The following OSTF1 variants were observed in gnomAD, a reference collection of about 807,000 sequenced individuals.
OSTF1 encodes osteoclast stimulating factor 1, also known as osteoclast-stimulating factor 1.
A neutral mutation model predicts 37.2 loss-of-function variants in OSTF1; 27 were observed. The observed-to-expected ratio is 0.73, with a 90% CI of 0.54 to 1.00. OSTF1 has a LOEUF of 1.00. Among genes scored for constraint, OSTF1 ranks in the 50% least tolerant of loss-of-function variants. The pLI is 0.00. For missense variants in OSTF1, 232 were observed against 253.8 expected (o/e 0.91, Z 0.58); for synonymous variants, 82 against 89.2 (o/e 0.92, Z 0.46).
intron 9 of OSTF1, among the ~76,000 whole-genome samples, chr9:75,144,386 AC>A (rs1282251534): frequency 6.6e-6 from 1 of 152,154 alleles, no homozygotes; most frequent in Non-Finnish European, 1.5e-5. Context: ...TGACGTCTTT[AC>A]AAAAAAAATT....
chr9:75,088,823 G>C, intron 1 of OSTF1, 97 bp downstream of exon 1: 1 of 1,245,180 alleles, frequency 8.0e-7, no homozygotes, highest in Non-Finnish European at 1.1e-6. Context: ...CGCGCACCCG[G>C]CCCCGAGCCT....
At chr9:75,089,314 T>G (rs977511765) in intron 1 of OSTF1, among the ~76,000 whole-genome samples, 1 of 151,106 alleles carries the variant, frequency 6.6e-6, no homozygotes, top group Non-Finnish European at 1.5e-5. Context: ...GATGCGGCAG[T>G]GATCTCAGCT....
chr9:75,124,401 A>G (rs1825630054), intron 2 of OSTF1, among the ~76,000 whole-genome samples: 1 of 152,090 alleles, frequency 6.6e-6, no homozygotes, highest in Non-Finnish European at 1.5e-5. Context: ...CCCATTAACC[A>G]TCCCCGTCTC....
In OSTF1 at chr9:75,140,148, A is replaced by G. The variant is rs543053547; in HGVS notation, c.488-686A>G. On this transcript the variant is annotated intron_variant, in intron 8 of 9. Transcript: ENST00000346234. ...ATACGTGTAGTACGATTTTGTGTCTATATCAATATGTGTATGAATGCACTG... is the reference window on the plus strand; with the variant it reads ...ATACGTGTAGTACGATTTTGTGTCTGTATCAATATGTGTATGAATGCACTG... Among the ~76,000 whole-genome samples, 38 of 152,362 alleles carry G rather than the reference A, an allele frequency of 2.5e-4. 1 individual carries two copies. Among genetic ancestry groups the G allele is most frequent in the Non-Finnish European group, 4.4e-4 (30 of 68,026 alleles).
At chr9:75,118,085 C>T (rs1564161117) in intron 2 of OSTF1, among the ~76,000 whole-genome samples, 3 of 152,188 alleles carry the variant, frequency 2.0e-5, no homozygotes, top group Non-Finnish European at 4.4e-5. Context: ...AGGATGGTCT[C>T]GTAGAGCTTG....
intron 9 of OSTF1, among the ~76,000 whole-genome samples, chr9:75,146,079 T>C (rs1826019406): frequency 6.6e-6 from 1 of 152,244 alleles, no homozygotes; most frequent in Admixed American, 6.5e-5. Flanking sequence ...GCTATAGGAA[T>C]TTGACTAGAC....
intron 1 of OSTF1, among the ~76,000 whole-genome samples, chr9:75,115,116 T>C (rs1423062736): frequency 6.6e-6 from 1 of 152,214 alleles, no homozygotes; most frequent in African/African-American, 2.4e-5. Context: ...TCATAAAACA[T>C]GTTCAAATAG....
At chr9:75,102,395 A>C (rs11144230) in intron 1 of OSTF1, among the ~76,000 whole-genome samples, 9,324 of 152,314 alleles carry the variant, frequency 0.061, 392 homozygotes, top group African/African-American at 0.11. Context: ...TAAAGTCAGT[A>C]AAATTAGTCA....
intron 1 of OSTF1, among the ~76,000 whole-genome samples, chr9:75,099,497 C>G (rs1825151621): frequency 6.6e-6 from 1 of 152,000 alleles, no homozygotes; most frequent in South Asian, 2.1e-4. Context: ...GTGGGACCTC[C>G]TGGGCTGAAA....
intron 2 of OSTF1, among the ~76,000 whole-genome samples, chr9:75,124,453 A>G (rs1367040224): frequency 6.6e-6 from 1 of 152,166 alleles, no homozygotes; most frequent in African/African-American, 2.4e-5. Context: ...TCTGGTAGCC[A>G]TACGTCTGCT....
At position 75,129,259 on chromosome 9, in the gene OSTF1, G is replaced by A. The variant is rs1180100470; in HGVS notation, c.133-1319G>A. On this transcript the variant is annotated intron_variant, in intron 3 of 9. Transcript: ENST00000346234. ...ATCTCATTGGTCAGCATGAGAGAAT[G>A]CTAGGAAATCAGGTTTTTATTCTGA... is the stretch of plus-strand genomic sequence containing the variant. Among the ~76,000 whole-genome samples the A allele has an allele frequency of 2.6e-5, 4 of 152,190 alleles. No individual in the cohort carries two copies. The East Asian group carries it at 7.7e-4, about 29-fold the overall frequency.
rs11144242 is a variant in OSTF1 at position 75,127,496 on chromosome 9, A to G, written c.82-73A>G. On this transcript the variant is annotated intron_variant, in intron 2 of 9. Transcript: ENST00000346234. The stretch of plus-strand genomic sequence containing the variant: ...CACATTGCTTATTAGAATATGATAG[A>G]ATTTTGAATCTATATAATCATATTC... 1.3e-4 allele frequency: 106 copies of G among 811,064 alleles called. No individual in the cohort carries two copies. The East Asian group carries it at 2.7e-3, about 21-fold the overall frequency. 50.2% of individuals were successfully genotyped at this position (811,064 alleles called of 1,614,324 possible).
rs1394683895 is a variant in OSTF1 at position 75,146,806 on chromosome 9, G to T, written c.*65G>T. ...TTTGCCATTCCAAAACTTTGTCTTT[G>T]CCAGAAAAGTGTTGGTAACTATAAA... On this transcript the variant is annotated 3_prime_UTR_variant, in exon 10 of 10. Coordinates refer to ENST00000346234, the MANE Select transcript of OSTF1 (RefSeq NM_012383.5). 1 of 1,216,916 alleles carries T rather than the reference G, an allele frequency of 8.2e-7. No homozygotes were observed. The highest frequency in any genetic ancestry group is 1.2e-6 in the Non-Finnish European group (1 of 837,894). The allele number at this position is 1,216,916 out of a possible 1,614,324, so 75.4% of individuals were successfully genotyped here. A position where few individuals can be genotyped will look rare whatever the true frequency, so the allele number is the denominator to read the frequency against.
intron 1 of OSTF1, among the ~76,000 whole-genome samples, chr9:75,109,368 C>T (rs1261458677): frequency 6.6e-6 from 1 of 152,162 alleles, no homozygotes; most frequent in African/African-American, 2.4e-5. Flanking sequence ...CCACATTTGG[C>T]TTTGGCAAAT....
chr9:75,096,462 G>C (rs1405149441), intron 1 of OSTF1, among the ~76,000 whole-genome samples: 2 of 152,184 alleles, frequency 1.3e-5, no homozygotes, highest in Non-Finnish European at 2.9e-5. Context: ...TTTCCAGGGA[G>C]CCTGAGGGCA....
chr9:75,098,269 TAAAC>T lies in OSTF1; in HGVS notation c.34+9545_34+9548del, dbSNP rs1825124058. On this transcript the variant is annotated intron_variant, in intron 1 of 9. Coordinates refer to ENST00000346234, the MANE Select transcript of OSTF1 (RefSeq NM_012383.5). ...TGTGGATAGAAACATATGGAGGAAT[TAAAC>T]ACACCAAGCAAAGGCTTTTCATAAG... 2.0e-5 allele frequency among the ~76,000 whole-genome samples: 3 copies of T among 152,196 alleles called. No individual in the cohort carries two copies. The South Asian group carries it at 6.2e-4, about 31-fold the overall frequency.
intron 2 of OSTF1, among the ~76,000 whole-genome samples, chr9:75,117,963 A>C (rs948950446): frequency 6.6e-6 from 1 of 152,122 alleles, no homozygotes; most frequent in African/African-American, 2.4e-5. Flanking sequence ...TGCAGTGTGC[A>C]TTTTCCATTG....
intron 5 of OSTF1, among the ~76,000 whole-genome samples, chr9:75,132,746 G>C (rs2118589629): frequency 6.6e-6 from 1 of 152,240 alleles, no homozygotes; most frequent in Middle Eastern, 3.4e-3. Context: ...AATTCTTTGT[G>C]AATTAGATAC....
intron 9 of OSTF1, among the ~76,000 whole-genome samples, chr9:75,143,796 G>A (rs1825980605): frequency 6.6e-6 from 1 of 152,200 alleles, no homozygotes. Context: ...GCTATGCCCA[G>A]AGGTGGGCTG....
Sources: allele counts gnomAD v4.1 joint callset (sites outside exome capture counted in the v4.1 genomes callset), GRCh38; gene constraint gnomAD v4.1.1; transcripts MANE v1.5; gene names NCBI Gene and HGNC (gene_info 2026-07-23, HGNC 2026-07-21).